Variants in PRR16 observed in about 807,000 individuals in gnomAD.
PRR16 encodes proline rich 16, also known as protein Largen.
A neutral mutation model predicts 18.2 loss-of-function variants in PRR16; 6 were observed. The ratio of observed to expected loss-of-function variants is 0.33; its 90% confidence interval spans 0.18 to 0.65. PRR16 has a LOEUF of 0.65. PRR16 is among the 30% of genes least tolerant of loss of function. PRR16 has a pLI of 0.74. For synonymous variants in PRR16, 151 were observed against 147.8 expected (o/e 1.02, Z -0.16); for missense variants, 412 against 376.6 (o/e 1.09, Z -0.78).
intron 1 of PRR16, among the ~76,000 whole-genome samples, chr5:120,607,427 AAT>A (rs1754189878): frequency 6.6e-6 from 1 of 152,202 alleles, no homozygotes; most frequent in African/African-American, 2.4e-5. Context: ...TTTGGAGATA[AAT>A]AGTTTCTTTG....
chr5:120,491,721 T>C, intron 1 of PRR16, among the ~76,000 whole-genome samples: 1 of 152,056 alleles, frequency 6.6e-6, no homozygotes, highest in East Asian at 1.9e-4. Flanking sequence ...TTTTTGTATT[T>C]TTATTAGAGA....
At chr5:120,630,225 T>C (rs1203978087) in intron 1 of PRR16, among the ~76,000 whole-genome samples, 2 of 152,154 alleles carry the variant, frequency 1.3e-5, no homozygotes, top group Non-Finnish European at 2.9e-5. Context: ...ATTTATCCAC[T>C]TCATTTTGTC....
chr5:120,552,536 T>C (rs1366269500), intron 1 of PRR16, among the ~76,000 whole-genome samples: 1 of 151,950 alleles, frequency 6.6e-6, no homozygotes, highest in Non-Finnish European at 1.5e-5. Flanking sequence ...ATTTTCTGAT[T>C]ATATATAGAT....
chr5:120,533,996 G>T (rs187138610), intron 1 of PRR16, among the ~76,000 whole-genome samples: 2 of 152,136 alleles, frequency 1.3e-5, no homozygotes, highest in African/African-American at 2.4e-5. Context: ...GCATTTTTAG[G>T]TGCCTCCATT....
At chr5:120,656,467 C>CAAAAAAAAAAAAAAAAAAAA (rs34228222) in intron 1 of PRR16, among the ~76,000 whole-genome samples, 1 of 93,504 alleles carries the variant, frequency 1.1e-5, no homozygotes, top group East Asian at 2.8e-4. Flanking sequence ...TAATCACTCT[C>CAAAAAAAAAAAAAAAAAAAA]AAAAAAAAAA....
At chr5:120,554,225 C>G (rs1352877411) in intron 1 of PRR16, among the ~76,000 whole-genome samples, 1 of 151,800 alleles carries the variant, frequency 6.6e-6, no homozygotes, top group East Asian at 1.9e-4. Flanking sequence ...ATACTCTGTG[C>G]TTTCTTTTAC....
the PRR16 span, among the ~76,000 whole-genome samples, chr5:120,693,087 A>T: frequency 6.6e-6 from 1 of 152,166 alleles, no homozygotes; most frequent in Non-Finnish European, 1.5e-5. Flanking sequence ...TTACTACAGA[A>T]ATTTAGGACT....
At chr5:120,484,877 A>C (rs908374566) in intron 1 of PRR16, among the ~76,000 whole-genome samples, 21 of 151,356 alleles carry the variant, frequency 1.4e-4, no homozygotes, top group African/African-American at 5.1e-4. Flanking sequence ...AGCTGTTTTA[A>C]AGAGTATACA....
At position 120,464,648 on chromosome 5, in the gene PRR16, G is replaced by T; in HGVS notation, c.159+3G>T. 1 of 1,555,308 alleles carries T rather than the reference G, an allele frequency of 6.4e-7. No homozygotes were observed. The highest frequency in any genetic ancestry group is 1.2e-5 in the South Asian group (1 of 85,230). On this transcript the variant is annotated splice_donor_region_variant and intron_variant, in intron 1 of 1. Transcript: ENST00000407149. ...ACGTGGCCAAGGAACTTAAGGAGGT[G>T]AGAGGCGCAGGGGTGGGGAGGGAGT...
At chr5:120,566,208 T>C (rs1203660694) in intron 1 of PRR16, among the ~76,000 whole-genome samples, 1 of 152,188 alleles carries the variant, frequency 6.6e-6, no homozygotes, top group African/African-American at 2.4e-5. Context: ...TGTCACTCTC[T>C]CTCACCCTTG....
At chr5:120,770,298 CA>C in the PRR16 span, among the ~76,000 whole-genome samples, 1 of 151,936 alleles carries the variant, frequency 6.6e-6, no homozygotes, top group Non-Finnish European at 1.5e-5. Context: ...TCCATTCATA[CA>C]CGATCAGTTG....
At chr5:120,762,932 T>A in the PRR16 span, among the ~76,000 whole-genome samples, 1 of 152,306 alleles carries the variant, frequency 6.6e-6, no homozygotes, top group Admixed American at 6.5e-5. Flanking sequence ...TCATTCACTT[T>A]GAGTTGATTT....
At chr5:120,504,278 A>T (rs1750568461) in intron 1 of PRR16, among the ~76,000 whole-genome samples, 1 of 152,152 alleles carries the variant, frequency 6.6e-6, no homozygotes, top group Non-Finnish European at 1.5e-5. Context: ...ACCATGTTGC[A>T]TCACCTCAAG....
chr5:120,681,543 A>T (rs1197888666), intron 1 of PRR16, among the ~76,000 whole-genome samples: 2 of 152,092 alleles, frequency 1.3e-5, no homozygotes, highest in East Asian at 3.9e-4. Context: ...GCATAACTTG[A>T]CTTACTTGTT....
the PRR16 span, among the ~76,000 whole-genome samples, chr5:120,697,181 TGA>T: frequency 6.6e-6 from 1 of 152,244 alleles, no homozygotes; most frequent in African/African-American, 2.4e-5. Context: ...GAGGGATTTC[TGA>T]GAGACAGGTC....
intron 1 of PRR16, among the ~76,000 whole-genome samples, chr5:120,619,929 A>T (rs1236624227): frequency 1.3e-5 from 2 of 152,106 alleles, no homozygotes; most frequent in African/African-American, 4.8e-5. Flanking sequence ...TTACGTAAAA[A>T]TAATTGTTTT....
intron 1 of PRR16, among the ~76,000 whole-genome samples, chr5:120,652,106 C>G (rs1361545871): frequency 6.6e-6 from 1 of 152,024 alleles, no homozygotes; most frequent in Admixed American, 6.6e-5. Context: ...AGTTCTTTCA[C>G]TTGGTTTTGT....
At chr5:120,561,757 T>C (rs1752582314) in intron 1 of PRR16, among the ~76,000 whole-genome samples, 1 of 152,160 alleles carries the variant, frequency 6.6e-6, no homozygotes, top group Admixed American at 6.5e-5. Context: ...ATTCTCATGA[T>C]ATTGAATAAG....
chr5:120,671,319 A>C (rs1298836373), intron 1 of PRR16, among the ~76,000 whole-genome samples: 1 of 152,154 alleles, frequency 6.6e-6, no homozygotes, highest in Non-Finnish European at 1.5e-5. Context: ...CAAAGTACAG[A>C]ACTAATGCTA....
Sources: allele counts gnomAD v4.1 joint callset (sites outside exome capture counted in the v4.1 genomes callset), GRCh38; gene constraint gnomAD v4.1.1; transcripts MANE v1.5; gene names NCBI Gene and HGNC (gene_info 2026-07-23, HGNC 2026-07-21).